The following DDI2 variants were observed in gnomAD, a reference collection of about 807,000 sequenced individuals.
The protein encoded by DDI2 is protein DDI1 homolog 2.
A neutral mutation model predicts 48.1 loss-of-function variants in DDI2; 5 were observed. The ratio of observed to expected loss-of-function variants is 0.10; its 90% CI spans 0.05 to 0.22. The LOEUF is 0.22. Ranked by LOEUF, DDI2 falls within the 10% of genes least tolerant of loss-of-function variation. The probability of loss-of-function intolerance (pLI) is 1.00; values close to 1 mark genes in which losing one functional copy is unlikely to be tolerated. For synonymous variants in DDI2, 205 were observed against 183.6 expected (o/e 1.12, Z -0.94); for missense variants, 285 against 506.2 (o/e 0.56, Z 4.19).
chr1:15,636,478 C>T (rs1224942632), intron 4 of DDI2, among the ~76,000 whole-genome samples: 1 of 119,804 alleles, frequency 8.3e-6, no homozygotes, highest in African/African-American at 4.7e-5. Context: ...CACCATAAAA[C>T]AGGGCAAAAA....
chr1:15,625,224 C>T (rs559372541), intron 1 of DDI2, among the ~76,000 whole-genome samples: 130 of 152,266 alleles, frequency 8.5e-4, no homozygotes, highest in African/African-American at 2.9e-3. Flanking sequence ...ATCTAGCCCA[C>T]CTGCTTGCTT....
chr1:15,625,133 G>A (rs1047972806), intron 1 of DDI2, among the ~76,000 whole-genome samples: 1 of 152,058 alleles, frequency 6.6e-6, no homozygotes, highest in African/African-American at 2.4e-5. Context: ...TTTATTTCAG[G>A]TAACCTTACT....
At chr1:15,620,609 G>C (rs192763353) in intron 1 of DDI2, among the ~76,000 whole-genome samples, 12 of 151,778 alleles carry the variant, frequency 7.9e-5, no homozygotes, top group Admixed American at 1.3e-4. Context: ...CTGCCACTAT[G>C]TGTCCACACC....
chr1:15,646,893 T>C (rs1187984632), intron 6 of DDI2, among the ~76,000 whole-genome samples: 1 of 152,146 alleles, frequency 6.6e-6, no homozygotes, highest in Non-Finnish European at 1.5e-5. Flanking sequence ...GAAAAAAACA[T>C]CCCTTAAATT....
chr1:15,643,003 C>G (rs1044096353), intron 5 of DDI2, among the ~76,000 whole-genome samples: 6 of 152,018 alleles, frequency 3.9e-5, no homozygotes, highest in Non-Finnish European at 7.4e-5. Context: ...GGAGGTGGAG[C>G]TTGTAGTGAG....
Position 15,661,803 on chromosome 1 carries a change from C to T in DDI2, c.*2013C>T. Reference sequence around the variant, plus strand: ...CTCTATATACACGCACACATACACACTCACCACATATACAGTATATATAGA... The same window carrying T: ...CTCTATATACACGCACACATACACATTCACCACATATACAGTATATATAGA... On this transcript the variant is annotated 3_prime_UTR_variant, in exon 10 of 10. Transcript: ENST00000480945. The T allele has an allele frequency of 2.0e-6, 3 of 1,475,246 alleles. No homozygotes were observed. The highest frequency in any genetic ancestry group is 2.7e-6 in the Non-Finnish European group (3 of 1,110,260). 91.4% of individuals were successfully genotyped at this position (1,475,246 alleles called of 1,614,324 possible). A position where few individuals can be genotyped will look rare whatever the true frequency, so the allele number is the denominator to read the frequency against.
rs1640405764 is a variant in DDI2 at position 15,663,128 on chromosome 1, G to A, written c.*3338G>A. 6.6e-6 allele frequency: 1 copy of A among 152,132 alleles called. No individual in the cohort carries two copies. Among genetic ancestry groups the A allele is most frequent in the African/African-American group, 2.4e-5 (1 of 41,420 alleles). 9.4% of individuals were successfully genotyped at this position (152,132 alleles called of 1,614,324 possible). ...TCTTGGTTTTATTGAAAAGAATTTTGAGATTCATAATTTCTGATTCTAGAT... is the reference window on the plus strand; with the variant it reads ...TCTTGGTTTTATTGAAAAGAATTTTAAGATTCATAATTTCTGATTCTAGAT... On this transcript the variant is annotated 3_prime_UTR_variant, in exon 10 of 10. Transcript: ENST00000480945.
intron 5 of DDI2, among the ~76,000 whole-genome samples, chr1:15,641,627 G>A (rs1014051082): frequency 6.6e-6 from 1 of 151,996 alleles, no homozygotes; most frequent in African/African-American, 2.4e-5. Context: ...CAAGGGAATG[G>A]CAGTGTGAGC....
Position 15,659,927 on chromosome 1 carries a change from G to C in DDI2, c.*137G>C, listed in dbSNP as rs1640335798. 1 of 1,613,144 alleles carries C rather than the reference G, an allele frequency of 6.2e-7. No homozygotes were observed. Among genetic ancestry groups the C allele is most frequent in the Non-Finnish European group, 8.5e-7 (1 of 1,179,750 alleles). On this transcript the variant is annotated 3_prime_UTR_variant, in exon 10 of 10. Coordinates refer to ENST00000480945, the MANE Select transcript of DDI2 (RefSeq NM_032341.5). Reference sequence around the variant, plus strand: ...CATCCCGCCCGTTCTTCAGGACAGAGTCCTGATGTTGGTAATCCTATGAGT... The same window carrying C: ...CATCCCGCCCGTTCTTCAGGACAGACTCCTGATGTTGGTAATCCTATGAGT...
chr1:15,646,263 C>G (rs1291723904), intron 6 of DDI2, among the ~76,000 whole-genome samples: 1 of 152,246 alleles, frequency 6.6e-6, no homozygotes, highest in Non-Finnish European at 1.5e-5. Context: ...GTATTTATGA[C>G]CAGTTCCTAT....
At chr1:15,628,915 A>G (rs1639800969) in intron 2 of DDI2, among the ~76,000 whole-genome samples, 1 of 152,148 alleles carries the variant, frequency 6.6e-6, no homozygotes, top group African/African-American at 2.4e-5. Flanking sequence ...GTCTCTATGT[A>G]TTTACCTATT....
At position 15,660,250 on chromosome 1, in the gene DDI2, A is replaced by G. The variant is rs763352375; in HGVS notation, c.*460A>G. ...GGGCCTCAAATTTCATCTCCATACAAGACAGGAAGCTAGTTTATCTGTCAC... is the reference window on the plus strand; with the variant it reads ...GGGCCTCAAATTTCATCTCCATACAGGACAGGAAGCTAGTTTATCTGTCAC... On this transcript the variant is annotated 3_prime_UTR_variant, in exon 10 of 10. Coordinates refer to ENST00000480945, the MANE Select transcript of DDI2 (RefSeq NM_032341.5). 6.2e-7 allele frequency: 1 copy of G among 1,614,206 alleles called. No homozygotes were observed. The highest frequency in any genetic ancestry group is 1.7e-5 in the Admixed American group (1 of 60,024).
At chr1:15,649,310 C>T (rs569469239) in intron 6 of DDI2, among the ~76,000 whole-genome samples, 5 of 152,006 alleles carry the variant, frequency 3.3e-5, no homozygotes, top group Admixed American at 6.6e-5. Context: ...TGCAGTGAGC[C>T]GAGATCACGC....
At position 15,666,555 on chromosome 1, in the gene DDI2, C is replaced by G. The variant is rs149620956; in HGVS notation, c.*6765C>G. The G allele has an allele frequency of 1.8e-4, 28 of 152,290 alleles. 1 individual carries two copies. The East Asian group carries it at 5.4e-3, about 29-fold the overall frequency. The allele number at this position is 152,290 out of a possible 1,614,324, so 9.4% of individuals were successfully genotyped here. ...AAGGGAGAGAAAAGTTCAAGAAGAT[C>G]TTACATATTTGAAAGGAAATTGGTA... On this transcript the variant is annotated 3_prime_UTR_variant, in exon 10 of 10. Coordinates refer to ENST00000480945, the MANE Select transcript of DDI2 (RefSeq NM_032341.5).
intron 8 of DDI2, among the ~76,000 whole-genome samples, chr1:15,653,215 C>G (rs1051615297): frequency 1.3e-5 from 2 of 151,772 alleles, no homozygotes; most frequent in African/African-American, 4.8e-5. Flanking sequence ...CTTTTGAGTC[C>G]AACAGTATTT....
rs1640480866 is a variant in DDI2, at chr1:15,668,032, A to G, written c.*8242A>G. The G allele has an allele frequency of 6.6e-6, 1 of 152,010 alleles. No individual in the cohort carries two copies. Among genetic ancestry groups the G allele is most frequent in the African/African-American group, 2.4e-5 (1 of 41,358 alleles). 9.4% of individuals were successfully genotyped at this position (152,010 alleles called of 1,614,324 possible). On this transcript the variant is annotated 3_prime_UTR_variant, in exon 10 of 10. Coordinates refer to ENST00000480945, the MANE Select transcript of DDI2 (RefSeq NM_032341.5). ...GGGGCATGAAATACAAAATTATGAT[A>G]ATTTATACAGAACTAGGTTTCTTTA...
chr1:15,630,239 A>G, intron 2 of DDI2, 86 bp from the exon 3 acceptor site: 1 of 1,215,246 alleles, frequency 8.2e-7, no homozygotes, highest in Non-Finnish European at 1.2e-6. Flanking sequence ...GTCATATACC[A>G]TGTATGAGCA....
rs1640480039 is a variant in DDI2 at position 15,667,986 on chromosome 1, CTA to C, written c.*8198_*8199del. 1 of 152,002 alleles carries C rather than the reference CTA, an allele frequency of 6.6e-6. No individual in the cohort carries two copies. The highest frequency in any genetic ancestry group is 1.5e-5 in the Non-Finnish European group (1 of 68,018). 9.4% of individuals were successfully genotyped at this position (152,002 alleles called of 1,614,324 possible). A position where few individuals can be genotyped will look rare whatever the true frequency, so the allele number is the denominator to read the frequency against. ...CTTTTACCTAAAAATGTTAAGCCAA[CTA>C]TGGAAGATTGGGGTCGTGGGGGCAT... On this transcript the variant is annotated 3_prime_UTR_variant, in exon 10 of 10. Transcript: ENST00000480945.
chr1:15,627,602 T>TAGAG (rs1292794214), intron 2 of DDI2, among the ~76,000 whole-genome samples: 2 of 152,202 alleles, frequency 1.3e-5, no homozygotes, highest in Non-Finnish European at 2.9e-5. Flanking sequence ...GTGCACTGGA[T>TAGAG]AGAGAGAGGG....
Sources: allele counts gnomAD v4.1 joint callset (sites outside exome capture counted in the v4.1 genomes callset), GRCh38; gene constraint gnomAD v4.1.1; transcripts MANE v1.5; gene names NCBI Gene and HGNC (gene_info 2026-07-23, HGNC 2026-07-21).